Variants in PRPF8 observed in about 807,000 individuals in gnomAD.
PRPF8 encodes pre-mRNA-processing-splicing factor 8.
Under a neutral mutation model 285.9 loss-of-function variants are expected in PRPF8, and 64 were observed. The ratio of observed to expected loss-of-function variants is 0.22; its 90% CI spans 0.18 to 0.28. The LOEUF (loss-of-function observed/expected upper bound fraction) is 0.28, where lower values mean the gene tolerates loss of function less well. Ranked by LOEUF, PRPF8 falls within the 10% of genes least tolerant of loss-of-function variation. The pLI is 1.00. For synonymous variants in PRPF8, 1,325 were observed against 1,118.2 expected (o/e 1.18, Z -3.69); for missense variants, 1,426 against 3,026.7 (o/e 0.47, Z 12.41).
Position 1,653,926 on chromosome 17 carries a change from G to A in PRPF8, c.6078C>T (p.Ile2026=), listed in dbSNP as rs374672916. Reference sequence around the variant, plus strand: ...CCTTGGTCTGCTTCTCGATCTCAGCGATCTGCTGCCGCTGCTGTGACGGTG... The same window carrying A: ...CCTTGGTCTGCTTCTCGATCTCAGCAATCTGCTGCCGCTGCTGTGACGGTG... ...ISAPSQQRQQ[I]AEIEKQTKEQ... is the part of the protein sequence containing the mutation. Residue 2026 remains isoleucine, a synonymous_variant, in exon 38 of 43, where the codon ATC becomes ATT. Coordinates refer to ENST00000304992, the MANE Select transcript of PRPF8 (RefSeq NM_006445.4). The surrounding 1 kb of genome is among the most constrained non-coding windows in gnomAD (Gnocchi z 4.9). 65 of 1,614,028 alleles carry A rather than the reference G, an allele frequency of 4.0e-5. No homozygotes were observed. Among genetic ancestry groups the A allele is most frequent in the Non-Finnish European group, 5.1e-5 (60 of 1,180,044 alleles).
At position 1,673,426 on chromosome 17, in the gene PRPF8, G is replaced by C. The variant is rs1240326935; in HGVS notation, c.3588C>G (p.Ile1196Met). 4.3e-6 allele frequency: 7 copies of C among 1,614,044 alleles called. No individual in the cohort carries two copies. The highest frequency in any genetic ancestry group is 1.6e-4 in the Middle Eastern group (1 of 6,084). ...CATAGCTGGTGCGGCACTTAGGCAG[G>C]ATGCGGCACTCGAAGCCACACATGT... ...LFNMCGFECR[I>M]LPKCRTSYEE... The change falls in exon 23 of 43, where the codon ATC becomes ATG. Residue 1196 changes from isoleucine (I) to methionine (M), a missense_variant. Coordinates refer to ENST00000304992, the MANE Select transcript of PRPF8 (RefSeq NM_006445.4). The surrounding 1 kb of genome is among the most constrained non-coding windows in gnomAD (Gnocchi z 5.5).
Position 1,675,417 on chromosome 17 carries a change from T to A in PRPF8, c.2873-78A>T, listed in dbSNP as rs878989684. 1.6e-5 allele frequency: 24 copies of A among 1,537,780 alleles called. 1 individual carries two copies. The South Asian group carries it at 2.7e-4, about 17-fold the overall frequency. Reference sequence around the variant, plus strand: ...TAGCCCCACAGGAACTATCATTACCTTCCATAACCAATCCCACTATGATTC... The same window carrying A: ...TAGCCCCACAGGAACTATCATTACCATCCATAACCAATCCCACTATGATTC... On this transcript the variant is annotated intron_variant, in intron 19 of 42. Transcript: ENST00000304992. This position sits in a 1 kb window ranked among gnomAD's most constrained non-coding sequence, Gnocchi z 6.0.
At position 1,661,037 on chromosome 17, in the gene PRPF8, T is replaced by C; in HGVS notation, c.4464A>G (p.Thr1488=). The change falls in exon 28 of 43, where the codon ACA becomes ACG. Residue 1488 remains threonine (T), a synonymous_variant. Transcript: ENST00000304992. This position sits in a 1 kb window ranked among gnomAD's most constrained non-coding sequence, Gnocchi z 7.3. Reference sequence around the variant, plus strand: ...TAGGGAAGTAAGTGCCCTTAAAGAGTGTGTGTTCCAGAATGCCTTCCACAC... The same window carrying C: ...TAGGGAAGTAAGTGCCCTTAAAGAGCGTGTGTTCCAGAATGCCTTCCACAC... The part of the protein sequence containing the change: ...LGGVEGILEH[T]LFKGTYFPTW... 6.2e-7 allele frequency: 1 copy of C among 1,613,718 alleles called. No homozygotes were observed. Among genetic ancestry groups the C allele is most frequent in the Non-Finnish European group, 8.5e-7 (1 of 1,179,926 alleles).
At chr17:1,683,426 CTT>C (rs1161366627) in intron 3 of PRPF8, 105 bp downstream of exon 3, 2 of 1,287,616 alleles carry the variant, frequency 1.6e-6, no homozygotes, top group East Asian at 4.6e-5. Context: ...TCTCCTTTCT[CTT>C]ATATCCACCA....
intron 24 of PRPF8, among the ~76,000 whole-genome samples, chr17:1,669,311 T>C (rs996080223): frequency 6.6e-6 from 1 of 152,172 alleles, no homozygotes; most frequent in Non-Finnish European, 1.5e-5. Flanking sequence ...TTCACCATGT[T>C]GGCCAGGCTG....
chr17:1,681,424 G>A, intron 6 of PRPF8, 54 bp downstream of exon 6: 1 of 1,507,762 alleles, frequency 6.6e-7, no homozygotes, highest in Non-Finnish European at 9.2e-7. Flanking sequence ...TAAGGATCAA[G>A]ATTACGTTTC....
intron 2 of PRPF8, 110 bp downstream of exon 2, chr17:1,684,362 G>A: frequency 4.8e-6 from 5 of 1,047,472 alleles, no homozygotes; most frequent in African/African-American, 1.6e-5. Context: ...GAAATAACAA[G>A]GGAGCTGACA....
Position 1,684,820 on chromosome 17 carries a change from C to A in PRPF8, c.-52G>T, listed in dbSNP as rs542461995. 1.2e-4 allele frequency: 71 copies of A among 597,826 alleles called. No homozygotes were observed. The highest frequency in any genetic ancestry group is 8.0e-4 in the Admixed American group (27 of 33,844). 37.0% of individuals were successfully genotyped at this position (597,826 alleles called of 1,614,324 possible). On this transcript the variant is annotated 5_prime_UTR_variant, in exon 1 of 43. Transcript: ENST00000304992. ...ACAAGAGGCCGCTTTCCCCGCAGCG[C>A]AATGGCGGCCAGACTGCGTCCGCTC...
Position 1,653,419 on chromosome 17 carries a change from G to T in PRPF8, c.6369+123C>A. 1 of 1,379,216 alleles carries T rather than the reference G, an allele frequency of 7.3e-7. No individual in the cohort carries two copies. The highest frequency in any genetic ancestry group is 1.0e-6 in the Non-Finnish European group (1 of 979,580). 85.4% of individuals were successfully genotyped at this position (1,379,216 alleles called of 1,614,324 possible). On this transcript the variant is annotated intron_variant, in intron 39 of 42. Transcript: ENST00000304992. This position sits in a 1 kb window ranked among gnomAD's most constrained non-coding sequence, Gnocchi z 4.9. ...CCACCTCGTTGTTTTGGCTATCCTT[G>T]TATAATTACTCATCCATGAATCTTG... is the stretch of plus-strand genomic sequence containing the variant.
At position 1,684,650 on chromosome 17, in the gene PRPF8, G is replaced by A. The variant is rs905302283; in HGVS notation, c.-11-68C>T. 13 of 1,444,694 alleles carry A rather than the reference G, an allele frequency of 9.0e-6. No individual in the cohort carries two copies. In the Admixed American group the frequency reaches 1.9e-4, roughly 21 times the overall value. 89.5% of individuals were successfully genotyped at this position (1,444,694 alleles called of 1,614,324 possible). Reference sequence around the variant, plus strand: ...GGGCCCACAAGAAGCGCAGCAGAAAGGCGTCCGGGGACCCCGGCCTGCAGT... The same window carrying A: ...GGGCCCACAAGAAGCGCAGCAGAAAAGCGTCCGGGGACCCCGGCCTGCAGT... On this transcript the variant is annotated intron_variant, in intron 1 of 42. Transcript: ENST00000304992.
In PRPF8 at chr17:1,659,453, C is replaced by T; in HGVS notation, c.5042G>A (p.Arg1681Gln). Reference protein sequence around the residue: ...YDSHDIERYARAKFLDYTTDN... With the variant: ...YDSHDIERYAQAKFLDYTTDN... The stretch of plus-strand genomic sequence containing the variant: ...GGTGGTGTAGTCCAGGAACTTGGCC[C>T]GGGCGTAGCGCTCAATGTCGTGGGA... The change falls in exon 32 of 43, where the codon CGG (arginine) becomes CAG (glutamine). Residue 1681 changes from arginine to glutamine, a missense_variant. Transcript: ENST00000304992. The surrounding 1 kb of genome is among the most constrained non-coding windows in gnomAD (Gnocchi z 5.1). The T allele has an allele frequency of 6.2e-7, 1 of 1,613,966 alleles. No individual in the cohort carries two copies. Among genetic ancestry groups the T allele is most frequent in the East Asian group, 2.2e-5 (1 of 44,870 alleles).
intron 21 of PRPF8, 46 bp downstream of exon 21, chr17:1,674,396 C>T (rs28715427): frequency 0.21 from 337,726 of 1,572,936 alleles, 41,488 homozygotes; most frequent in African/African-American, 0.53. Flanking sequence ...AGGCAAAGCA[C>T]ATGCCTCAGT....
chr17:1,670,449 C>T (rs1048064206), intron 24 of PRPF8, among the ~76,000 whole-genome samples: 2 of 152,202 alleles, frequency 1.3e-5, no homozygotes, highest in African/African-American at 4.8e-5. Flanking sequence ...CTGTTCCCCT[C>T]TTCCTACCTC....
In PRPF8 at chr17:1,661,796, T is replaced by TG. The variant is rs1266365535; in HGVS notation, c.4023-7dup. The TG allele has an allele frequency of 8.1e-6, 13 of 1,614,094 alleles. No individual in the cohort carries two copies. In the Admixed American group the frequency reaches 2.0e-4, roughly 25 times the overall value. On this transcript the variant is annotated splice_polypyrimidine_tract_variant and splice_region_variant and intron_variant, in intron 25 of 42. Transcript: ENST00000304992. This position sits in a 1 kb window ranked among gnomAD's most constrained non-coding sequence, Gnocchi z 7.3. ...CATCTGTCTGTTTGGACCACCTGTTTGGGTGTACAACCAAGATTACAGAAA... is the reference window on the plus strand; with the variant it reads ...CATCTGTCTGTTTGGACCACCTGTTTGGGGTGTACAACCAAGATTACAGAAA...
chr17:1,676,502 A>C lies in PRPF8; in HGVS notation c.2388+3T>G. 1 of 1,614,074 alleles carries C rather than the reference A, an allele frequency of 6.2e-7. No individual in the cohort carries two copies. The highest frequency in any genetic ancestry group is 8.5e-7 in the Non-Finnish European group (1 of 1,180,008). On this transcript the variant is annotated splice_donor_region_variant and intron_variant, in intron 16 of 42. Transcript: ENST00000304992. This position sits in a 1 kb window ranked among gnomAD's most constrained non-coding sequence, Gnocchi z 6.3. ...ACACCCAGCCCAGCCTACTCTGCCC[A>C]ACCTTCAGGTAGTTGTGCTGCCGCT...
Position 1,681,530 on chromosome 17 carries a change from C to A in PRPF8, c.814G>T (p.Ala272Ser), listed in dbSNP as rs1327147166. Residue 272 changes from alanine to serine, a missense_variant, in exon 6 of 43, where the codon GCC becomes TCC. Physicochemically the swap from Ala to Ser is moderately conservative, Grantham distance 99 (BLOSUM62 1). Coordinates refer to ENST00000304992, the MANE Select transcript of PRPF8 (RefSeq NM_006445.4). The stretch of plus-strand genomic sequence containing the variant: ...TCAAATTTGGGGCCTCCAGGAATGG[C>A]CATATTGAGTGCCTTGGACGTAAAG... ...AFFTSKALNM[A>S]IPGGPKFEPL... 1 of 1,613,056 alleles carries A rather than the reference C, an allele frequency of 6.2e-7. No homozygotes were observed. Among genetic ancestry groups the A allele is most frequent in the Admixed American group, 1.7e-5 (1 of 60,008 alleles).
chr17:1,670,229 G>T (rs1274208675), intron 24 of PRPF8, among the ~76,000 whole-genome samples: 1 of 152,188 alleles, frequency 6.6e-6, no homozygotes, highest in Non-Finnish European at 1.5e-5. Flanking sequence ...CCATCTGAAT[G>T]TTCTCAGGAA....
intron 3 of PRPF8, 117 bp from the exon 4 acceptor site, chr17:1,682,410 A>C: frequency 7.4e-7 from 1 of 1,355,022 alleles, no homozygotes; most frequent in East Asian, 2.3e-5. Context: ...CCAAACTCCC[A>C]AACTTAGCCC....
Position 1,673,901 on chromosome 17 carries a change from G to C in PRPF8, c.3300-9C>G, listed in dbSNP as rs370736475. On this transcript the variant is annotated splice_polypyrimidine_tract_variant and intron_variant, in intron 21 of 42. Transcript: ENST00000304992. This position sits in a 1 kb window ranked among gnomAD's most constrained non-coding sequence, Gnocchi z 5.5. ...CCTCATCTGCTGTGAACCTACACCA[G>C]ACCAGGTACACTGCTGAGGCCCCAG... 7.4e-6 allele frequency: 12 copies of C among 1,611,802 alleles called. No individual in the cohort carries two copies. Among genetic ancestry groups the C allele is most frequent in the African/African-American group, 5.3e-5 (4 of 74,874 alleles).
Sources: gnomAD v4.1 joint callset for allele counts (sites outside exome capture counted in the v4.1 genomes callset) on GRCh38, gnomAD v4.1.1 for gene constraint, Gnocchi (gnomAD v3.1) non-coding constraint, MANE v1.5 for transcripts, NCBI Gene and HGNC (gene_info 2026-07-23, HGNC 2026-07-21) for gene names.